The following LRRC51 variants were observed in gnomAD, a reference collection of about 807,000 sequenced individuals.
The protein encoded by LRRC51 is leucine rich repeat containing 51, also known as leucine-rich repeat-containing protein 51.
Under a neutral mutation model 17.8 loss-of-function variants are expected in LRRC51, and 8 were observed. The observed-to-expected ratio is 0.45, with a 90% confidence interval of 0.26 to 0.81. The LOEUF (loss-of-function observed/expected upper bound fraction) is 0.81. Ranked by LOEUF, LRRC51 falls within the 30% of genes least tolerant of loss-of-function variation. LRRC51 has a pLI of 0.17. For missense variants in LRRC51, 233 were observed against 239.3 expected (o/e 0.97, Z 0.17); for synonymous variants, 92 against 96.0 (o/e 0.96, Z 0.24).
chr11:72,094,743 A>G (rs1276654930), intron 4 of LRRC51: 4 of 1,004,878 alleles, frequency 4.0e-6, no homozygotes, highest in Non-Finnish European at 6.1e-6. Flanking sequence ...TGACCCTCAG[A>G]TCACAGCTCC....
At chr11:72,083,237 A>G (rs1017007234) in intron 1 of LRRC51, among the ~76,000 whole-genome samples, 7 of 152,120 alleles carry the variant, frequency 4.6e-5, no homozygotes, top group African/African-American at 1.7e-4. Flanking sequence ...CTAACCATAC[A>G]TATTCATCCT....
chr11:72,093,729 CA>C, intron 4 of LRRC51, 28 bp downstream of exon 4: 1 of 1,610,274 alleles, frequency 6.2e-7, no homozygotes. Context: ...GGAATCCAGT[CA>C]GGGGAGCCTG....
intron 1 of LRRC51, chr11:72,086,559 A>G (rs1176704282): frequency 1.5e-6 from 1 of 682,414 alleles, no homozygotes; most frequent in East Asian, 2.7e-5. Context: ...TGCCTGTTGT[A>G]AACCTGGTTC....
In LRRC51 at chr11:72,096,503, G is replaced by C; in HGVS notation, c.*983G>C. 8.2e-7 allele frequency: 1 copy of C among 1,224,428 alleles called. No individual in the cohort carries two copies. Among genetic ancestry groups the C allele is most frequent in the Non-Finnish European group, 1.0e-6 (1 of 978,428 alleles). 75.8% of individuals were successfully genotyped at this position (1,224,428 alleles called of 1,614,324 possible). A position where few individuals can be genotyped will look rare whatever the true frequency, so the allele number is the denominator to read the frequency against. ...TCTGCCCACCTCAGCCTCCCAAAGT[G>C]CTAGGATTACAGGATAAGCCACTGC... On this transcript the variant is annotated 3_prime_UTR_variant, in exon 6 of 6. Coordinates refer to ENST00000289488, the MANE Select transcript of LRRC51 (RefSeq NM_145309.6).
rs545924166 is a variant in LRRC51, at chr11:72,085,543, A to G, written c.-139-2754A>G. On this transcript the variant is annotated intron_variant, in intron 1 of 5. Transcript: ENST00000289488. ...ATACAACTGCTTCCATTTATTGAGC[A>G]CCTGATGCCAGATGTACAATAGTTC... 5.3e-5 allele frequency: 8 copies of G among 152,276 alleles called. No homozygotes were observed. In the South Asian group the frequency reaches 1.7e-3, roughly 32 times the overall value. 9.4% of individuals were successfully genotyped at this position (152,276 alleles called of 1,614,324 possible).
At chr11:72,092,570 C>T (rs771733676) in intron 3 of LRRC51, among the ~76,000 whole-genome samples, 1 of 152,232 alleles carries the variant, frequency 6.6e-6, no homozygotes, top group Non-Finnish European at 1.5e-5. Context: ...CACTCCAGTG[C>T]CTTCCCATTA....
chr11:72,094,860 TCTTC>T (rs1945086465), intron 4 of LRRC51, 84 bp from the exon 5 acceptor site: 1 of 1,613,992 alleles, frequency 6.2e-7, no homozygotes, highest in Non-Finnish European at 8.5e-7. Context: ...TTCCCCACAT[TCTTC>T]CTTCTCTGCC....
At position 72,093,598 on chromosome 11, in the gene LRRC51, A is replaced by G. The variant is rs1662825974; in HGVS notation, c.185A>G (p.Asn62Ser). The change falls in exon 4 of 6, where the codon AAT becomes AGT. Residue 62 changes from asparagine (N) to serine (S), a missense_variant. Asn to Ser is a conservative substitution (Grantham distance 46, BLOSUM62 1). Coordinates refer to ENST00000289488, the MANE Select transcript of LRRC51 (RefSeq NM_145309.6). ...QSLWLNNNVL[N>S]DLRDFNQVAS... ...CTGTGGCTGAATAACAATGTTCTCA[A>G]TGATCTGAGAGACTTCAACCAGGTG... 6 of 1,614,212 alleles carry G rather than the reference A, an allele frequency of 3.7e-6. No homozygotes were observed. The highest frequency in any genetic ancestry group is 5.1e-6 in the Non-Finnish European group (6 of 1,180,032).
chr11:72,090,483 A>C (rs58632683), intron 3 of LRRC51, among the ~76,000 whole-genome samples: 3 of 150,648 alleles, frequency 2.0e-5, no homozygotes, highest in Non-Finnish European at 2.9e-5. Flanking sequence ...AAGCATTTAT[A>C]TATGTGTGTG....
intron 3 of LRRC51, 63 bp downstream of exon 3, chr11:72,089,228 A>G (rs1357925897): frequency 6.2e-7 from 1 of 1,611,128 alleles, no homozygotes; most frequent in Admixed American, 1.7e-5. Flanking sequence ...GTCCCTAGGA[A>G]GAAACCATAA....
Position 72,095,102 on chromosome 11 carries a change from T to G in LRRC51, c.437+6T>G, listed in dbSNP as rs777426979. The G allele has an allele frequency of 6.2e-7, 1 of 1,613,184 alleles. No individual in the cohort carries two copies. The highest frequency in any genetic ancestry group is 1.3e-5 in the African/African-American group (1 of 74,808). ...GAGGAAGAGAAAGGGTATAGGTAAG[T>G]GCCCTGCCCCTGGAGGTAGCGTCTA... is the stretch of plus-strand genomic sequence containing the variant. On this transcript the variant is annotated splice_donor_region_variant and intron_variant, in intron 5 of 5. Coordinates refer to ENST00000289488, the MANE Select transcript of LRRC51 (RefSeq NM_145309.6).
Position 72,095,632 on chromosome 11 carries a change from T to C in LRRC51, c.*112T>C. On this transcript the variant is annotated 3_prime_UTR_variant, in exon 6 of 6. Transcript: ENST00000289488. Reference sequence around the variant, plus strand: ...AAGTCACTTACACCTTGTAGAGATGTTCTCTAACTCAGGCAACTGCAAGTA... The same window carrying C: ...AAGTCACTTACACCTTGTAGAGATGCTCTCTAACTCAGGCAACTGCAAGTA... The C allele has an allele frequency of 6.5e-7, 1 of 1,549,568 alleles. No individual in the cohort carries two copies. The highest frequency in any genetic ancestry group is 2.0e-5 in the Admixed American group (1 of 51,046).
intron 3 of LRRC51, among the ~76,000 whole-genome samples, 176 bp from the exon 4 acceptor site, chr11:72,093,320 C>G (rs1944972431): frequency 6.6e-6 from 1 of 152,216 alleles, no homozygotes; most frequent in Non-Finnish European, 1.5e-5. Flanking sequence ...TTAGTCTAAA[C>G]TTACTGATTG....
rs1359411280 is a variant in LRRC51, at chr11:72,095,879, G to A, written c.*359G>A. On this transcript the variant is annotated 3_prime_UTR_variant, in exon 6 of 6. Coordinates refer to ENST00000289488, the MANE Select transcript of LRRC51 (RefSeq NM_145309.6). ...TTGTTGTTTTGAGACGGTTTCACTC[G>A]TCACCCCAGCTGGAGTGCAGTGGTG... 2 of 356,954 alleles carry A rather than the reference G, an allele frequency of 5.6e-6. No homozygotes were observed. The highest frequency in any genetic ancestry group is 5.4e-6 in the Non-Finnish European group (1 of 184,420). The allele number at this position is 356,954 out of a possible 1,614,324, so 22.1% of individuals were successfully genotyped here.
intron 3 of LRRC51, among the ~76,000 whole-genome samples, chr11:72,091,317 G>A (rs1944845034): frequency 1.3e-5 from 2 of 152,060 alleles, no homozygotes; most frequent in South Asian, 4.1e-4. Flanking sequence ...GGAGGTATGG[G>A]GAGGGAAGCA....
At position 72,094,421 on chromosome 11, in the gene LRRC51, TA is replaced by T. The variant is rs1945048815; in HGVS notation, c.289-524del. 8.2e-6 allele frequency: 4 copies of T among 486,184 alleles called. No individual in the cohort carries two copies. In the South Asian group the frequency reaches 1.0e-4, roughly 12 times the overall value. The allele number at this position is 486,184 out of a possible 1,614,324, so 30.1% of individuals were successfully genotyped here. A position where few individuals can be genotyped will look rare whatever the true frequency, so the allele number is the denominator to read the frequency against. On this transcript the variant is annotated intron_variant, in intron 4 of 5. Transcript: ENST00000289488. ...GTTCTCCTGTGGAAGAGGTAGTCAATAAAGTACAGCACTTACTTTCTGTGAA... is the reference window on the plus strand; with the variant it reads ...GTTCTCCTGTGGAAGAGGTAGTCAATAAGTACAGCACTTACTTTCTGTGAA...
chr11:72,081,050 G>T (rs1436745854), intron 1 of LRRC51, among the ~76,000 whole-genome samples, 165 bp downstream of exon 1: 1 of 152,198 alleles, frequency 6.6e-6, no homozygotes, highest in Admixed American at 6.5e-5. Context: ...ACACTCACAT[G>T]GGACAGACTG....
Position 72,096,820 on chromosome 11 carries a change from AG to A in LRRC51, c.*1301del. ...CCAGCCCCCACTTCAATCAGATCAA[AG>A]TAATTCCATTCTGTTTTATATGCTG... On this transcript the variant is annotated 3_prime_UTR_variant, in exon 6 of 6. Coordinates refer to ENST00000289488, the MANE Select transcript of LRRC51 (RefSeq NM_145309.6). The A allele has an allele frequency of 7.6e-7, 1 of 1,323,008 alleles. No individual in the cohort carries two copies. The highest frequency in any genetic ancestry group is 9.8e-7 in the Non-Finnish European group (1 of 1,017,000). 82.0% of individuals were successfully genotyped at this position (1,323,008 alleles called of 1,614,324 possible).
At chr11:72,092,295 C>G (rs1944905433) in intron 3 of LRRC51, among the ~76,000 whole-genome samples, 1 of 152,342 alleles carries the variant, frequency 6.6e-6, no homozygotes, top group African/African-American at 2.4e-5. Flanking sequence ...AAAGCTAAGC[C>G]TGAACTCATC....
Sources: gnomAD v4.1 joint callset for allele counts (sites outside exome capture counted in the v4.1 genomes callset) on GRCh38, gnomAD v4.1.1 for gene constraint, MANE v1.5 for transcripts, NCBI Gene and HGNC (gene_info 2026-07-23, HGNC 2026-07-21) for gene names.